Variants in SERP1 observed in about 807,000 individuals in gnomAD.
SERP1 encodes the protein stress-associated endoplasmic reticulum protein 1.
A neutral mutation model predicts 8.8 loss-of-function variants in SERP1; 6 were observed. The ratio of observed to expected loss-of-function variants is 0.68; its 90% CI spans 0.37 to 1.35. SERP1 has a LOEUF of 1.35. Among genes scored for constraint, SERP1 ranks in the 40% most tolerant of loss-of-function variants. SERP1 has a pLI of 0.02. For synonymous variants in SERP1, 36 were observed against 28.7 expected (o/e 1.25, Z -0.81); for missense variants, 52 against 86.2 (o/e 0.60, Z 1.57).
chr3:150,546,181 A>C lies in SERP1; in HGVS notation c.-46T>G. Reference sequence around the variant, plus strand: ...CCCCGGCCACCCCTCGGACTCGCTCACTCGCCTGCCTCCTCTGGAGCCGCT... The same window carrying C: ...CCCCGGCCACCCCTCGGACTCGCTCCCTCGCCTGCCTCCTCTGGAGCCGCT... On this transcript the variant is annotated 5_prime_UTR_variant, in exon 1 of 3. Transcript: ENST00000239944. The C allele has an allele frequency of 6.3e-7, 1 of 1,598,866 alleles. No homozygotes were observed.
intron 2 of SERP1, among the ~76,000 whole-genome samples, chr3:150,544,983 A>G (rs1722947769): frequency 6.6e-6 from 1 of 152,246 alleles, no homozygotes; most frequent in African/African-American, 2.4e-5. Flanking sequence ...GTGAAACGTT[A>G]AACAGAAATC....
At chr3:150,545,931 C>T in intron 1 of SERP1, 121 bp downstream of exon 1, 3 of 1,417,300 alleles carry the variant, frequency 2.1e-6, no homozygotes, top group Non-Finnish European at 2.9e-6. Flanking sequence ...GACTCGGGCC[C>T]CTACCCCTCC....
intron 2 of SERP1, 134 bp from the exon 3 acceptor site, chr3:150,544,632 A>G (rs774050863): frequency 8.1e-6 from 5 of 620,430 alleles, no homozygotes; most frequent in Non-Finnish European, 1.4e-5. Context: ...CTTCAGTATA[A>G]TAAGAAGTGA....
chr3:150,545,162 C>A (rs944784402), intron 2 of SERP1, among the ~76,000 whole-genome samples: 35 of 152,130 alleles, frequency 2.3e-4, no homozygotes, highest in Admixed American at 1.2e-3. Context: ...TTTTTTTAAA[C>A]CATGTATCAA....
At position 150,542,114 on chromosome 3, in the gene SERP1, C is replaced by T. The variant is rs1192174398; in HGVS notation, c.*2344G>A. On this transcript the variant is annotated 3_prime_UTR_variant, in exon 3 of 3. Coordinates refer to ENST00000239944, the MANE Select transcript of SERP1 (RefSeq NM_014445.4). The stretch of plus-strand genomic sequence containing the variant: ...ATTTTGAGCAACATTATATACAACC[C>T]AACAGATACAATTAATTGACAACTT... 1.3e-5 allele frequency: 2 copies of T among 152,184 alleles called. No homozygotes were observed. Among genetic ancestry groups the T allele is most frequent in the Non-Finnish European group, 2.9e-5 (2 of 68,036 alleles). The allele number at this position is 152,184 out of a possible 1,614,324, so 9.4% of individuals were successfully genotyped here.
intron 2 of SERP1, among the ~76,000 whole-genome samples, chr3:150,545,142 C>G (rs911905753): frequency 6.6e-6 from 1 of 152,082 alleles, no homozygotes; most frequent in Non-Finnish European, 1.5e-5. Context: ...AGCAGGCTAC[C>G]CCGACACTTT....
Position 150,546,331 on chromosome 3 carries a change from C to G in SERP1, c.-196G>C, listed in dbSNP as rs11548121. Reference sequence around the variant, plus strand: ...CTGAGCACAAGCCGGGCGCCGGCCGCCGACTGACTGACCGAGCGGGGCAGG... The same window carrying G: ...CTGAGCACAAGCCGGGCGCCGGCCGGCGACTGACTGACCGAGCGGGGCAGG... On this transcript the variant is annotated 5_prime_UTR_variant, in exon 1 of 3. Coordinates refer to ENST00000239944, the MANE Select transcript of SERP1 (RefSeq NM_014445.4). The G allele has an allele frequency of 9.8e-6, 6 of 609,878 alleles. 1 individual carries two copies. In the East Asian group the frequency reaches 1.5e-4, roughly 16 times the overall value. 37.8% of individuals were successfully genotyped at this position (609,878 alleles called of 1,614,324 possible).
intron 2 of SERP1, among the ~76,000 whole-genome samples, chr3:150,544,889 A>G (rs563982209): frequency 1.3e-5 from 2 of 152,242 alleles, no homozygotes; most frequent in African/African-American, 4.8e-5. Flanking sequence ...CTGAAATTCA[A>G]TCATCTTCAG....
rs1400515244 is a variant in SERP1, at chr3:150,546,363, G to A, written c.-228C>T. 6 of 578,950 alleles carry A rather than the reference G, an allele frequency of 1.0e-5. No individual in the cohort carries two copies. The Admixed American group carries it at 1.4e-4, about 13-fold the overall frequency. 35.9% of individuals were successfully genotyped at this position (578,950 alleles called of 1,614,324 possible). A position where few individuals can be genotyped will look rare whatever the true frequency, so the allele number is the denominator to read the frequency against. ...ACTGACCGAGCGGGGCAGGTGCGCA[G>A]GAGGAAGAGAACTGGCCGCCGGGTC... On this transcript the variant is annotated 5_prime_UTR_variant, in exon 1 of 3. Transcript: ENST00000239944.
In SERP1 at chr3:150,542,613, T is replaced by C. The variant is rs570293063; in HGVS notation, c.*1845A>G. On this transcript the variant is annotated 3_prime_UTR_variant, in exon 3 of 3. Transcript: ENST00000239944. ...CAACCTGAATATAAACTGCACTTAA[T>C]TGGTGAATTACACATGAAATACAAA... 9 of 152,272 alleles carry C rather than the reference T, an allele frequency of 5.9e-5. No individual in the cohort carries two copies. The highest frequency in any genetic ancestry group is 8.8e-5 in the Non-Finnish European group (6 of 67,998). The allele number at this position is 152,272 out of a possible 1,614,324, so 9.4% of individuals were successfully genotyped here. A position where few individuals can be genotyped will look rare whatever the true frequency, so the allele number is the denominator to read the frequency against.
Position 150,544,456 on chromosome 3 carries a change from C to T in SERP1, c.*2G>A, listed in dbSNP as rs1489338941. 1.2e-6 allele frequency: 2 copies of T among 1,612,626 alleles called. No homozygotes were observed. Among genetic ancestry groups the T allele is most frequent in the African/African-American group, 2.7e-5 (2 of 74,872 alleles). On this transcript the variant is annotated 3_prime_UTR_variant, in exon 3 of 3. Transcript: ENST00000239944. ...AATGGAAACATCTTAAGGTCAGTCACTTCACATGCCCATCCTGATACTTTG... is the reference window on the plus strand; with the variant it reads ...AATGGAAACATCTTAAGGTCAGTCATTTCACATGCCCATCCTGATACTTTG...
chr3:150,542,817 C>T lies in SERP1; in HGVS notation c.*1641G>A, dbSNP rs560770092. ...CTAAAAGCAAAGAATAAGGCACCTGCTATGAATTTAGCACAACCATAAAAC... is the reference window on the plus strand; with the variant it reads ...CTAAAAGCAAAGAATAAGGCACCTGTTATGAATTTAGCACAACCATAAAAC... On this transcript the variant is annotated 3_prime_UTR_variant, in exon 3 of 3. Coordinates refer to ENST00000239944, the MANE Select transcript of SERP1 (RefSeq NM_014445.4). 6 of 152,656 alleles carry T rather than the reference C, an allele frequency of 3.9e-5. No individual in the cohort carries two copies. The South Asian group carries it at 1.2e-3, about 32-fold the overall frequency. The allele number at this position is 152,656 out of a possible 1,614,324, so 9.5% of individuals were successfully genotyped here.
rs1436077450 is a variant in SERP1, at chr3:150,544,689, A to AT, written c.161-192dup. 2.6e-5 allele frequency among the ~76,000 whole-genome samples: 4 copies of AT among 152,296 alleles called. No homozygotes were observed. The South Asian group carries it at 6.2e-4, about 24-fold the overall frequency. ...TAAAACAATGAAATATCCCTGAGTTATTTTTTTATCTTAGCTTCGCTGAAC... is the reference window on the plus strand; with the variant it reads ...TAAAACAATGAAATATCCCTGAGTTATTTTTTTTATCTTAGCTTCGCTGAAC... On this transcript the variant is annotated intron_variant, in intron 2 of 2. Coordinates refer to ENST00000239944, the MANE Select transcript of SERP1 (RefSeq NM_014445.4).
chr3:150,542,682 A>C lies in SERP1; in HGVS notation c.*1776T>G, dbSNP rs1453858843. On this transcript the variant is annotated 3_prime_UTR_variant, in exon 3 of 3. Coordinates refer to ENST00000239944, the MANE Select transcript of SERP1 (RefSeq NM_014445.4). Reference sequence around the variant, plus strand: ...ATGTAAAATGATTGCTAGCTATAGCAATTTAACAGTCAAATTTATCAGAAC... The same window carrying C: ...ATGTAAAATGATTGCTAGCTATAGCCATTTAACAGTCAAATTTATCAGAAC... 2.0e-5 allele frequency: 3 copies of C among 152,736 alleles called. No individual in the cohort carries two copies. In the South Asian group the frequency reaches 6.2e-4, roughly 32 times the overall value. The allele number at this position is 152,736 out of a possible 1,614,324, so 9.5% of individuals were successfully genotyped here. A position where few individuals can be genotyped will look rare whatever the true frequency, so the allele number is the denominator to read the frequency against.
Position 150,541,998 on chromosome 3 carries a change from T to C in SERP1, c.*2460A>G, listed in dbSNP as rs977857820. The C allele has an allele frequency of 1.8e-4, 28 of 152,306 alleles. No homozygotes were observed. Among genetic ancestry groups the C allele is most frequent in the African/African-American group, 6.5e-4 (27 of 41,564 alleles). The allele number at this position is 152,306 out of a possible 1,614,324, so 9.4% of individuals were successfully genotyped here. ...AGTGAGAAGAGTCATGGCCCTGCAG[T>C]TGACTATCCACATTTCTTTAATGTA... On this transcript the variant is annotated 3_prime_UTR_variant, in exon 3 of 3. Coordinates refer to ENST00000239944, the MANE Select transcript of SERP1 (RefSeq NM_014445.4).
Position 150,546,107 on chromosome 3 carries a change from G to A in SERP1, c.29C>T (p.Ala10Val), listed in dbSNP as rs760130480. 4 of 1,613,594 alleles carry A rather than the reference G, an allele frequency of 2.5e-6. No homozygotes were observed. The highest frequency in any genetic ancestry group is 3.4e-6 in the Non-Finnish European group (4 of 1,179,896). ...GATGTTCTTGCTGTGCTTCTCGTTG[G>A]CCATACGGATCCTTTGCTTGGCGAC... MVAKQRIRM[A>V]NEKHSKNITQ... Residue 10 changes from alanine to valine, a missense_variant, in exon 1 of 3, where the codon GCC becomes GTC. Transcript: ENST00000239944.
At chr3:150,545,822 T>C (rs1428277237) in intron 1 of SERP1, 44 bp from the exon 2 acceptor site, 1 of 1,560,496 alleles carries the variant, frequency 6.4e-7, no homozygotes, top group Admixed American at 1.9e-5. Context: ...GAGAAACCAC[T>C]CGGACCCCAG....
Position 150,546,269 on chromosome 3 carries a change from C to G in SERP1, c.-134G>C, listed in dbSNP as rs760988048. 2.0e-6 allele frequency: 2 copies of G among 992,632 alleles called. No individual in the cohort carries two copies. Among genetic ancestry groups the G allele is most frequent in the Non-Finnish European group, 2.9e-6 (2 of 681,304 alleles). The allele number at this position is 992,632 out of a possible 1,614,324, so 61.5% of individuals were successfully genotyped here. On this transcript the variant is annotated 5_prime_UTR_variant, in exon 1 of 3. Coordinates refer to ENST00000239944, the MANE Select transcript of SERP1 (RefSeq NM_014445.4). Reference sequence around the variant, plus strand: ...CCGAGGTTCTCAGGCCAGACGCTAGCTACGGCCGCTGGGCCTGGGCGCCGC... The same window carrying G: ...CCGAGGTTCTCAGGCCAGACGCTAGGTACGGCCGCTGGGCCTGGGCGCCGC...
At chr3:150,545,840 C>G in intron 1 of SERP1, 62 bp from the exon 2 acceptor site, 1 of 1,503,976 alleles carries the variant, frequency 6.6e-7, no homozygotes, top group South Asian at 1.2e-5. Flanking sequence ...CAGGCTCCCA[C>G]GCCTGCACGC....
Sources: gnomAD v4.1 joint callset for allele counts (sites outside exome capture counted in the v4.1 genomes callset) on GRCh38, gnomAD v4.1.1 for gene constraint, MANE v1.5 for transcripts, NCBI Gene and HGNC (gene_info 2026-07-23, HGNC 2026-07-21) for gene names.